CDH8: variants seen among roughly 807,000 people sequenced by gnomAD.
CDH8 encodes cadherin 8, also known as cadherin-8.
CDH8 carries 17 observed loss-of-function variants against 68.1 expected under a neutral mutation model. The ratio of observed to expected loss-of-function variants is 0.25; its 90% confidence interval spans 0.17 to 0.37. The LOEUF (loss-of-function observed/expected upper bound fraction) is 0.37, where lower values mean the gene tolerates loss of function less well. Among genes scored for constraint, CDH8 ranks in the 10% least tolerant of loss-of-function variants. The pLI is 1.00. For missense variants in CDH8, 763 were observed against 999.3 expected (o/e 0.76, Z 3.19); for synonymous variants, 372 against 365.1 (o/e 1.02, Z -0.21).
intron 3 of CDH8, among the ~76,000 whole-genome samples, chr16:61,859,786 A>T (rs905459299): frequency 1.3e-5 from 2 of 152,158 alleles, no homozygotes; most frequent in Non-Finnish European, 2.9e-5. Flanking sequence ...TAACATAACA[A>T]TATTAAGAGG....
rs149830742 is a variant in CDH8, at chr16:61,710,307, A to G, written c.1654+3534T>C. On this transcript the variant is annotated intron_variant, in intron 10 of 11. Transcript: ENST00000577390. ...AAATAAACTGTATACCATTTGAACT[A>G]GGCCACTCGGTTGAGACAGAAATCT... 8.0e-4 allele frequency among the ~76,000 whole-genome samples: 122 copies of G among 152,218 alleles called. 1 individual carries two copies. Among genetic ancestry groups the G allele is most frequent in the African/African-American group, 2.7e-3 (114 of 41,562 alleles).
At chr16:61,908,742 C>T (rs1402413978) in intron 2 of CDH8, among the ~76,000 whole-genome samples, 1 of 152,160 alleles carries the variant, frequency 6.6e-6, no homozygotes, top group Non-Finnish European at 1.5e-5. Flanking sequence ...GCTGAAATGT[C>T]TTACTGCTAC....
intron 8 of CDH8, among the ~76,000 whole-genome samples, chr16:61,748,464 A>G (rs1334261864): frequency 6.6e-6 from 1 of 152,036 alleles, no homozygotes; most frequent in Non-Finnish European, 1.5e-5. Context: ...ACAGATACCA[A>G]ACAGAAAAAC....
chr16:61,980,737 C>T (rs1324142892), intron 2 of CDH8, among the ~76,000 whole-genome samples: 1 of 152,144 alleles, frequency 6.6e-6, no homozygotes, highest in Non-Finnish European at 1.5e-5. Context: ...GAAAACTTTC[C>T]AGAAAAGTTT....
chr16:61,857,304 T>A (rs1237970765), intron 3 of CDH8, 66 bp from the exon 4 acceptor site: 1 of 1,408,566 alleles, frequency 7.1e-7, no homozygotes, highest in African/African-American at 1.4e-5. Flanking sequence ...AGCTACATTT[T>A]GTCAAGTATT....
In CDH8 at chr16:62,036,330, C is replaced by G. The variant is rs188283250; in HGVS notation, c.-450G>C. ...TTGACGCTACCGTCTATGCACAAGCCGGCGGCGGCGGCGGAGCTTGGAGGA... is the reference window on the plus strand; with the variant it reads ...TTGACGCTACCGTCTATGCACAAGCGGGCGGCGGCGGCGGAGCTTGGAGGA... On this transcript the variant is annotated 5_prime_UTR_variant, in exon 1 of 12. Coordinates refer to ENST00000577390, the MANE Select transcript of CDH8 (RefSeq NM_001796.5). 3.9e-5 allele frequency: 6 copies of G among 152,756 alleles called. No individual in the cohort carries two copies. In the East Asian group the frequency reaches 9.7e-4, roughly 25 times the overall value. 9.5% of individuals were successfully genotyped at this position (152,756 alleles called of 1,614,324 possible). A position where few individuals can be genotyped will look rare whatever the true frequency, so the allele number is the denominator to read the frequency against.
intron 10 of CDH8, among the ~76,000 whole-genome samples, chr16:61,682,998 C>T (rs767622387): frequency 1.3e-5 from 2 of 151,916 alleles, no homozygotes; most frequent in Non-Finnish European, 2.9e-5. Flanking sequence ...CAAAGAAATA[C>T]AAGTGGAGGA....
At chr16:61,659,777 G>C (rs1030471491) in intron 10 of CDH8, among the ~76,000 whole-genome samples, 1 of 152,138 alleles carries the variant, frequency 6.6e-6, no homozygotes. Flanking sequence ...TTTTGCCCAG[G>C]GGGGTGGAAA....
At chr16:61,809,262 C>T (rs918552814) in intron 7 of CDH8, among the ~76,000 whole-genome samples, 2 of 151,996 alleles carry the variant, frequency 1.3e-5, no homozygotes, top group African/African-American at 4.8e-5. Context: ...TTACCCCTGG[C>T]CTAGTGTAAT....
At chr16:61,900,263 G>A (rs931216347) in intron 3 of CDH8, among the ~76,000 whole-genome samples, 1 of 151,930 alleles carries the variant, frequency 6.6e-6, no homozygotes. Flanking sequence ...GTCTCACCTT[G>A]TTCACCTGCT....
At chr16:61,970,619 C>A (rs888665143) in intron 2 of CDH8, among the ~76,000 whole-genome samples, 1 of 152,210 alleles carries the variant, frequency 6.6e-6, no homozygotes, top group Non-Finnish European at 1.5e-5. Flanking sequence ...GCTTCTGTGA[C>A]CAAATGCATG....
At chr16:61,999,572 A>C (rs1965858775) in intron 2 of CDH8, among the ~76,000 whole-genome samples, 2 of 152,172 alleles carry the variant, frequency 1.3e-5, no homozygotes, top group African/African-American at 2.4e-5. Context: ...GTTTCTTACA[A>C]TGCAGTTATA....
intron 8 of CDH8, among the ~76,000 whole-genome samples, chr16:61,765,558 T>C (rs528225722): frequency 2.6e-5 from 4 of 152,146 alleles, no homozygotes; most frequent in South Asian, 2.1e-4. Flanking sequence ...GTTATAGATA[T>C]ACAATTGTAT....
At chr16:62,005,734 TAA>T (rs10552670) in intron 2 of CDH8, among the ~76,000 whole-genome samples, 59,418 of 113,438 alleles carry the variant, frequency 0.52, 14,523 homozygotes, top group East Asian at 0.7. Flanking sequence ...GACTTCGTCT[TAA>T]AAAAAAAAAA....
intron 10 of CDH8, among the ~76,000 whole-genome samples, chr16:61,691,199 C>T (rs1357794112): frequency 6.6e-6 from 1 of 152,040 alleles, no homozygotes; most frequent in African/African-American, 2.4e-5. Context: ...TATTTACACG[C>T]TATTATTGTC....
intron 2 of CDH8, among the ~76,000 whole-genome samples, chr16:61,930,882 C>T (rs1964530302): frequency 6.6e-6 from 1 of 152,170 alleles, no homozygotes; most frequent in Non-Finnish European, 1.5e-5. Context: ...CAGCGAAATT[C>T]CTCGTGTTAT....
chr16:61,665,493 G>A (rs1963647416), intron 10 of CDH8, among the ~76,000 whole-genome samples: 1 of 151,898 alleles, frequency 6.6e-6, no homozygotes, highest in Admixed American at 6.6e-5. Flanking sequence ...TCACACACCA[G>A]GGCCTGTCAG....
intron 10 of CDH8, among the ~76,000 whole-genome samples, chr16:61,705,621 A>T (rs1964512813): frequency 6.6e-6 from 1 of 152,182 alleles, no homozygotes; most frequent in Admixed American, 6.5e-5. Flanking sequence ...GCTGTCCATG[A>T]TTAAAGACGC....
chr16:61,837,628 C>G (rs1377162062), intron 4 of CDH8, among the ~76,000 whole-genome samples: 1 of 152,070 alleles, frequency 6.6e-6, no homozygotes, highest in Non-Finnish European at 1.5e-5. Flanking sequence ...TGAAACACAG[C>G]AAACAGTCAC....
Sources: allele counts gnomAD v4.1 joint callset (sites outside exome capture counted in the v4.1 genomes callset), GRCh38; gene constraint gnomAD v4.1.1; transcripts MANE v1.5; gene names NCBI Gene and HGNC (gene_info 2026-07-23, HGNC 2026-07-21).